FCHSD2: variants seen among roughly 807,000 people sequenced by gnomAD.
The protein encoded by FCHSD2 is FCH and double SH3 domains 2, also known as F-BAR and double SH3 domains protein 2.
Under a neutral mutation model 108.1 loss-of-function variants are expected in FCHSD2, and 38 were observed. That is an observed-to-expected ratio of 0.35 (90% CI 0.27 to 0.46). The LOEUF is 0.46. Among genes scored for constraint, FCHSD2 ranks in the 20% least tolerant of loss-of-function variants. The probability of loss-of-function intolerance (pLI) is 1.00; values close to 1 mark genes in which losing one functional copy is unlikely to be tolerated. For missense variants in FCHSD2, 751 were observed against 897.8 expected (o/e 0.84, Z 2.09); for synonymous variants, 279 against 314.7 (o/e 0.89, Z 1.20).
chr11:72,939,605 TTTCC>T (rs1856372973), intron 8 of FCHSD2, among the ~76,000 whole-genome samples: 1 of 144,250 alleles, frequency 6.9e-6, no homozygotes, highest in Non-Finnish European at 1.5e-5. Context: ...GGCTCTTTCT[TTTCC>T]TTTTTTTTTT....
chr11:73,067,728 A>G (rs1373627670), intron 3 of FCHSD2, among the ~76,000 whole-genome samples: 1 of 152,088 alleles, frequency 6.6e-6, no homozygotes, highest in Non-Finnish European at 1.5e-5. Flanking sequence ...AAAAACCCCT[A>G]CCTCTCAAAA....
intron 2 of FCHSD2, among the ~76,000 whole-genome samples, chr11:73,084,044 T>G (rs987555223): frequency 5.9e-5 from 9 of 152,208 alleles, no homozygotes; most frequent in Admixed American, 1.3e-4. Context: ...CATAGGGATA[T>G]TATAAAATTT....
intron 8 of FCHSD2, among the ~76,000 whole-genome samples, chr11:72,956,321 C>T (rs1422353459): frequency 1.3e-5 from 2 of 152,080 alleles, no homozygotes; most frequent in African/African-American, 2.4e-5. Context: ...CATTTGGCAA[C>T]CATCATAAAG....
intron 3 of FCHSD2, among the ~76,000 whole-genome samples, chr11:73,047,998 G>T (rs1207628069): frequency 6.6e-6 from 1 of 152,002 alleles, no homozygotes; most frequent in Non-Finnish European, 1.5e-5. Context: ...AACTCTAATG[G>T]TCTTATTCTA....
intron 3 of FCHSD2, among the ~76,000 whole-genome samples, chr11:73,048,284 T>C (rs1295510454): frequency 6.6e-6 from 1 of 152,126 alleles, no homozygotes; most frequent in Admixed American, 6.6e-5. Flanking sequence ...CCGACACACA[T>C]ATGGGACCCA....
intron 2 of FCHSD2, among the ~76,000 whole-genome samples, chr11:73,125,566 A>G (rs1048846871): frequency 6.6e-6 from 1 of 152,180 alleles, no homozygotes; most frequent in Non-Finnish European, 1.5e-5. Context: ...TTAGCCAGGC[A>G]TAGTGGCACA....
intron 13 of FCHSD2, among the ~76,000 whole-genome samples, chr11:72,865,135 T>G (rs920223701): frequency 6.6e-6 from 1 of 152,238 alleles, no homozygotes; most frequent in African/African-American, 2.4e-5. Flanking sequence ...AACAGTAGTA[T>G]TAATCATGTT....
chr11:72,957,643 T>C (rs1331161755), intron 8 of FCHSD2, among the ~76,000 whole-genome samples: 3 of 151,688 alleles, frequency 2.0e-5, no homozygotes, highest in Admixed American at 6.6e-5. Context: ...GGTCTGTGGT[T>C]TGGATGGTAG....
chr11:72,963,711 T>A (rs1856856193), intron 8 of FCHSD2, among the ~76,000 whole-genome samples: 1 of 152,158 alleles, frequency 6.6e-6, no homozygotes, highest in African/African-American at 2.4e-5. Flanking sequence ...CAACTTAGAT[T>A]CTTCACATGC....
intron 8 of FCHSD2, among the ~76,000 whole-genome samples, chr11:72,947,755 T>TGATTATAGAA (rs60386383): frequency 6.6e-6 from 1 of 152,134 alleles, no homozygotes; most frequent in Non-Finnish European, 1.5e-5. Context: ...CATAATTTTC[T>TGATTATAGAA]CATAAAGAAA....
At chr11:72,997,883 T>C (rs1006156723) in intron 5 of FCHSD2, among the ~76,000 whole-genome samples, 5 of 152,144 alleles carry the variant, frequency 3.3e-5, no homozygotes, top group Admixed American at 6.5e-5. Context: ...ACATTTTTTG[T>C]AGAGACGGGA....
At chr11:73,078,787 C>T (rs912348116) in intron 3 of FCHSD2, among the ~76,000 whole-genome samples, 3 of 152,166 alleles carry the variant, frequency 2.0e-5, no homozygotes, top group African/African-American at 7.2e-5. Flanking sequence ...GGTGCGATCA[C>T]AGCTCACTGC....
chr11:73,018,547 C>G (rs1373557977), intron 3 of FCHSD2, among the ~76,000 whole-genome samples: 1 of 150,828 alleles, frequency 6.6e-6, no homozygotes, highest in Admixed American at 6.6e-5. Flanking sequence ...CATTATATCC[C>G]CGGCTATAGC....
chr11:72,887,607 G>A (rs1176342064), intron 11 of FCHSD2, 33 bp from the exon 12 acceptor site: 1 of 1,335,210 alleles, frequency 7.5e-7, no homozygotes, highest in East Asian at 2.7e-5. Flanking sequence ...AATGATGACT[G>A]TTTTTTACTT....
At chr11:73,063,201 A>G (rs927415612) in intron 3 of FCHSD2, among the ~76,000 whole-genome samples, 5 of 152,208 alleles carry the variant, frequency 3.3e-5, no homozygotes, top group African/African-American at 1.2e-4. Flanking sequence ...CTTCATAAGC[A>G]AAGGAGAAAT....
chr11:72,921,968 A>C lies in FCHSD2; in HGVS notation c.706-18T>G. ...TCAAGAGCCTGTAATAGAGGAGTAA[A>C]TAAAAGAAAAAAAATTACAGTAAAG... is the stretch of plus-strand genomic sequence containing the variant. On this transcript the variant is annotated intron_variant, in intron 8 of 19. Coordinates refer to ENST00000409418, the MANE Select transcript of FCHSD2 (RefSeq NM_014824.3). 6.5e-7 allele frequency: 1 copy of C among 1,550,274 alleles called. No homozygotes were observed. The highest frequency in any genetic ancestry group is 8.7e-7 in the Non-Finnish European group (1 of 1,143,768).
intron 3 of FCHSD2, among the ~76,000 whole-genome samples, chr11:73,022,232 C>A (rs1858126551): frequency 6.6e-6 from 1 of 152,134 alleles, no homozygotes; most frequent in South Asian, 2.1e-4. Flanking sequence ...TGTTACACTT[C>A]TTTTCAACAT....
chr11:72,885,218 CTGTTA>C (rs1416621786), intron 12 of FCHSD2, among the ~76,000 whole-genome samples: 5 of 98,946 alleles, frequency 5.1e-5, no homozygotes, highest in Non-Finnish European at 1.0e-4. Flanking sequence ...TTTTTTGTAT[CTGTTA>C]AGTGGAAACC....
At chr11:72,922,000 C>A in intron 8 of FCHSD2, 50 bp from the exon 9 acceptor site, 1 of 1,353,996 alleles carries the variant, frequency 7.4e-7, no homozygotes, top group South Asian at 1.3e-5. Context: ...AAAGCCTTGA[C>A]ATATGATATC....
Sources: allele counts gnomAD v4.1 joint callset (sites outside exome capture counted in the v4.1 genomes callset), GRCh38; gene constraint gnomAD v4.1.1; transcripts MANE v1.5; gene names NCBI Gene and HGNC (gene_info 2026-07-23, HGNC 2026-07-21).